The following ARPC2 variants were observed in gnomAD, a reference collection of about 807,000 sequenced individuals.
ARPC2 encodes actin related protein 2/3 complex subunit 2.
Under a neutral mutation model 38.6 loss-of-function variants are expected in ARPC2, and 4 were observed. That is an observed-to-expected ratio of 0.10 (90% CI 0.05 to 0.24). The LOEUF is 0.24. Ranked by LOEUF, ARPC2 falls within the 10% of genes least tolerant of loss-of-function variation. The pLI is 1.00. For missense variants in ARPC2, 229 were observed against 387.3 expected (o/e 0.59, Z 3.43); for synonymous variants, 125 against 140.8 (o/e 0.89, Z 0.79).
chr2:218,228,012 GTATT>G (rs766040001), intron 3 of ARPC2, among the ~76,000 whole-genome samples: 1 of 152,308 alleles, frequency 6.6e-6, no homozygotes, highest in East Asian at 1.9e-4. Flanking sequence ...TATATTCTGA[GTATT>G]TATGGATGAA....
chr2:218,253,581 G>A (rs1690246057), intron 10 of ARPC2, among the ~76,000 whole-genome samples: 1 of 152,192 alleles, frequency 6.6e-6, no homozygotes, highest in Non-Finnish European at 1.5e-5. Flanking sequence ...ATTCAGGTAC[G>A]TCTAGGCCAT....
intron 2 of ARPC2, among the ~76,000 whole-genome samples, chr2:218,224,245 T>C (rs1408071200): frequency 1.3e-5 from 2 of 152,198 alleles, no homozygotes; most frequent in Admixed American, 6.5e-5. Flanking sequence ...AGGTTATTTA[T>C]TTATAGTTGG....
Position 218,238,845 on chromosome 2 carries a change from G to T in ARPC2, c.450G>T (p.Glu150Asp). 1 of 1,609,564 alleles carries T rather than the reference G, an allele frequency of 6.2e-7. No homozygotes were observed. The highest frequency in any genetic ancestry group is 1.1e-5 in the South Asian group (1 of 90,738). The change falls in exon 6 of 11, where the codon GAG (glutamate) becomes GAT (aspartate). Residue 150 changes from glutamate to aspartate, a missense_variant. By Grantham distance (45) the Glu-to-Asp change is conservative. Coordinates refer to ENST00000315717, the MANE Select transcript of ARPC2 (RefSeq NM_152862.3). ...CAGTTATCCATTATAGGGATGATGA[G>T]ACCATGTGAGTATAGAATTTGGTCC... ...NRAVIHYRDDETMYVESKKDR... is the reference protein window; with the variant it reads ...NRAVIHYRDDDTMYVESKKDR...
chr2:218,252,966 C>A (rs1690229761), intron 10 of ARPC2: 1 of 456,690 alleles, frequency 2.2e-6, no homozygotes, highest in South Asian at 1.5e-5. Flanking sequence ...CAGAGTTGGG[C>A]CCCAGAAAGG....
At chr2:218,243,768 C>G (rs1689968886) in intron 7 of ARPC2, among the ~76,000 whole-genome samples, 2 of 152,074 alleles carry the variant, frequency 1.3e-5, no homozygotes, top group African/African-American at 4.8e-5. Context: ...AGAGTGAGAC[C>G]CTGTCTCAAA....
At chr2:218,239,286 T>A in intron 6 of ARPC2, 105 bp from the exon 7 acceptor site, 2 of 784,934 alleles carry the variant, frequency 2.5e-6, no homozygotes, top group Non-Finnish European at 4.2e-6. Context: ...ATATTATGAT[T>A]TAAGAGATTT....
rs1018665004 is a variant in ARPC2, at chr2:218,224,767, G to C, written c.75-1153G>C. 2.6e-5 allele frequency among the ~76,000 whole-genome samples: 4 copies of C among 152,238 alleles called. No homozygotes were observed. The East Asian group carries it at 7.7e-4, about 29-fold the overall frequency. Reference sequence around the variant, plus strand: ...ATAGGTTGATTTTTCAGCAGGGCTAGCATGCTTCATAGAAGCCAGTTTTTT... The same window carrying C: ...ATAGGTTGATTTTTCAGCAGGGCTACCATGCTTCATAGAAGCCAGTTTTTT... On this transcript the variant is annotated intron_variant, in intron 2 of 10. Transcript: ENST00000315717.
chr2:218,231,446 A>G (rs151111280), intron 4 of ARPC2, among the ~76,000 whole-genome samples: 1 of 152,348 alleles, frequency 6.6e-6, no homozygotes, highest in East Asian at 1.9e-4. Context: ...CTAAATCCCC[A>G]CCACATCTGA....
At position 218,217,489 on chromosome 2, in the gene ARPC2, A is replaced by G; in HGVS notation, c.19A>G (p.Asn7Asp). The G allele has an allele frequency of 6.2e-7, 1 of 1,613,814 alleles. No individual in the cohort carries two copies. The highest frequency in any genetic ancestry group is 8.5e-7 in the Non-Finnish European group (1 of 1,179,856). ...CGCCGCCATGATCCTGCTGGAGGTGAACAACCGCATCATCGAGGAGACGCT... is the reference window on the plus strand; with the variant it reads ...CGCCGCCATGATCCTGCTGGAGGTGGACAACCGCATCATCGAGGAGACGCT... The part of the protein sequence containing the change: MILLEV[N>D]NRIIEETLAL... The change falls in exon 2 of 11, where the codon AAC (asparagine) becomes GAC (aspartate). Residue 7 changes from asparagine to aspartate, a missense_variant. Physicochemically the swap from Asn to Asp is conservative, Grantham distance 23. Coordinates refer to ENST00000315717, the MANE Select transcript of ARPC2 (RefSeq NM_152862.3).
At chr2:218,218,832 C>T (rs1487552926) in intron 2 of ARPC2, among the ~76,000 whole-genome samples, 7 of 152,282 alleles carry the variant, frequency 4.6e-5, no homozygotes. Flanking sequence ...CACTACTTTC[C>T]TTGAAGTAAT....
At chr2:218,250,858 T>G (rs765430156) in intron 10 of ARPC2, among the ~76,000 whole-genome samples, 2 of 152,136 alleles carry the variant, frequency 1.3e-5, no homozygotes, top group South Asian at 2.1e-4. Flanking sequence ...TTTGTTTGTT[T>G]GTTTGTTTTT....
chr2:218,253,515 TAGG>T (rs1252992301), intron 10 of ARPC2, among the ~76,000 whole-genome samples: 2 of 152,184 alleles, frequency 1.3e-5, no homozygotes, highest in African/African-American at 4.8e-5. Context: ...ATACACTGTG[TAGG>T]AGGAGCTGAC....
At chr2:218,247,953 A>T (rs199678856) in intron 8 of ARPC2, among the ~76,000 whole-genome samples, 3 of 3,572 alleles carry the variant, frequency 8.4e-4, no homozygotes, top group Non-Finnish European at 0.071. Flanking sequence ...AAAAAAAATT[A>T]AAAAAAAAAA....
chr2:218,218,085 G>C (rs1689297710), intron 2 of ARPC2, among the ~76,000 whole-genome samples: 1 of 152,170 alleles, frequency 6.6e-6, no homozygotes. Flanking sequence ...CTTAGAGCCG[G>C]AAAAACGCGA....
At chr2:218,226,481 T>A (rs1228162224) in intron 3 of ARPC2, among the ~76,000 whole-genome samples, 4 of 151,388 alleles carry the variant, frequency 2.6e-5, no homozygotes, top group African/African-American at 9.7e-5. Flanking sequence ...TACAAAAAAT[T>A]AGCTGGGCAT....
rs189093515 is a variant in ARPC2 at position 218,234,970 on chromosome 2, A to G, written c.268+573A>G. 4 of 429,616 alleles carry G rather than the reference A, an allele frequency of 9.3e-6. No individual in the cohort carries two copies. In the Admixed American group the frequency reaches 1.1e-4, roughly 11 times the overall value. The allele number at this position is 429,616 out of a possible 1,614,324, so 26.6% of individuals were successfully genotyped here. On this transcript the variant is annotated intron_variant, in intron 5 of 10. Transcript: ENST00000315717. ...GAGGTTTAAAGTGGAAAAACTGAACAGCCTTTTTACCCTGTGATTCAGTGG... is the reference window on the plus strand; with the variant it reads ...GAGGTTTAAAGTGGAAAAACTGAACGGCCTTTTTACCCTGTGATTCAGTGG...
At chr2:218,226,600 G>T (rs1323713159) in intron 3 of ARPC2, among the ~76,000 whole-genome samples, 1 of 122,256 alleles carries the variant, frequency 8.2e-6, no homozygotes, top group Non-Finnish European at 1.6e-5. Context: ...CTGCACTCCA[G>T]CCTGGGCGAC....
chr2:218,233,972 C>G (rs928008280), intron 4 of ARPC2: 5 of 159,794 alleles, frequency 3.1e-5, no homozygotes, highest in African/African-American at 1.2e-4. Flanking sequence ...CAAGATCAGC[C>G]TGACCAACAT....
intron 7 of ARPC2, among the ~76,000 whole-genome samples, chr2:218,240,034 A>C (rs1689873965): frequency 6.6e-6 from 1 of 151,944 alleles, no homozygotes; most frequent in African/African-American, 2.4e-5. Context: ...AGCTCACTGC[A>C]ACCTCCGCTT....
Sources: allele counts gnomAD v4.1 joint callset (sites outside exome capture counted in the v4.1 genomes callset), GRCh38; gene constraint gnomAD v4.1.1; transcripts MANE v1.5; gene names NCBI Gene and HGNC (gene_info 2026-07-23, HGNC 2026-07-21).